Variants in SGCZ observed in about 807,000 individuals in gnomAD.
SGCZ encodes the protein sarcoglycan zeta, also known as zeta-sarcoglycan.
A neutral mutation model predicts 41.3 loss-of-function variants in SGCZ; 40 were observed. The ratio of observed to expected loss-of-function variants is 0.97; its 90% confidence interval spans 0.75 to 1.26. The LOEUF (loss-of-function observed/expected upper bound fraction) is 1.26, where lower values mean the gene tolerates loss of function less well. Ranked by LOEUF, SGCZ falls within the 50% of genes most tolerant of loss-of-function variation. The pLI, the probability that SGCZ is intolerant of heterozygous loss-of-function variation, is 0.00. For synonymous variants in SGCZ, 206 were observed against 137.5 expected (o/e 1.50, Z -3.49); for missense variants, 552 against 369.8 (o/e 1.49, Z -4.04).
chr8:14,422,505 C>A (rs183515332), intron 2 of SGCZ, among the ~76,000 whole-genome samples: 1 of 152,176 alleles, frequency 6.6e-6, no homozygotes, highest in Non-Finnish European at 1.5e-5. Context: ...GTGCCACAGA[C>A]CCCTCACACA....
intron 2 of SGCZ, among the ~76,000 whole-genome samples, chr8:14,451,222 C>T (rs1800583714): frequency 6.6e-6 from 1 of 152,168 alleles, no homozygotes; most frequent in South Asian, 2.1e-4. Context: ...CAAAAATAGA[C>T]TCTGTAGGAA....
chr8:14,305,845 T>C (rs780830519), intron 3 of SGCZ, among the ~76,000 whole-genome samples: 1 of 152,198 alleles, frequency 6.6e-6, no homozygotes, highest in South Asian at 2.1e-4. Flanking sequence ...AAGCAAAGGA[T>C]TGAGAAATAC....
In SGCZ at chr8:14,946,363, G is replaced by A. The variant is rs148537077; in HGVS notation, c.39+291222C>T. On this transcript the variant is annotated intron_variant, in intron 1 of 7. Coordinates refer to ENST00000382080, the MANE Select transcript of SGCZ (RefSeq NM_139167.4). ...CGTATACTCCTCGCGCATCACAGAA[G>A]GAAACGCTGCTCTCCGCAGTCCCAA... Among the ~76,000 whole-genome samples the A allele has an allele frequency of 3.9e-3, 593 of 151,712 alleles. 5 individuals carry two copies. Among genetic ancestry groups the A allele is most frequent in the African/African-American group, 0.014 (567 of 41,396 alleles).
At chr8:14,472,105 C>A (rs1363859327) in intron 2 of SGCZ, among the ~76,000 whole-genome samples, 1 of 151,998 alleles carries the variant, frequency 6.6e-6, no homozygotes, top group Non-Finnish European at 1.5e-5. Context: ...TTTTGCAATT[C>A]AGCATTTGAT....
rs1802682188 is a variant in SGCZ at position 14,121,082 on chromosome 8, A to G, written c.548-12847T>C. On this transcript the variant is annotated intron_variant, in intron 5 of 7. Transcript: ENST00000382080. ...CAATGTGACTGTGAAATAGAGAAAT[A>G]GCCTAACGGCTAAGAGAGTCCCCAG... Among the ~76,000 whole-genome samples the G allele has an allele frequency of 2.0e-5, 3 of 152,140 alleles. No homozygotes were observed. The South Asian group carries it at 6.2e-4, about 31-fold the overall frequency.
At chr8:15,004,175 C>T (rs1218172625) in intron 1 of SGCZ, among the ~76,000 whole-genome samples, 3 of 152,084 alleles carry the variant, frequency 2.0e-5, no homozygotes, top group African/African-American at 4.8e-5. Context: ...TAGATACATG[C>T]TGTTAAGGAC....
intron 1 of SGCZ, among the ~76,000 whole-genome samples, chr8:14,634,561 C>A (rs998678144): frequency 6.6e-6 from 1 of 151,616 alleles, no homozygotes; most frequent in African/African-American, 2.4e-5. Flanking sequence ...CAGATTGAAC[C>A]CTTACTTGAG....
intron 5 of SGCZ, among the ~76,000 whole-genome samples, chr8:14,150,935 C>T (rs1316182496): frequency 6.6e-6 from 1 of 152,122 alleles, no homozygotes; most frequent in African/African-American, 2.4e-5. Context: ...GAAAGACAAA[C>T]ATCACATGTT....
chr8:14,872,195 C>T (rs1018195201), intron 1 of SGCZ, among the ~76,000 whole-genome samples: 1 of 151,962 alleles, frequency 6.6e-6, no homozygotes. Flanking sequence ...GGAGGGATAG[C>T]ATTAGGAGAA....
intron 1 of SGCZ, among the ~76,000 whole-genome samples, chr8:14,629,360 CATTATCTAAATA>C (rs752553959): frequency 0.35 from 52,872 of 151,804 alleles, 9,422 homozygotes; most frequent in East Asian, 0.63. Context: ...ATGTAAAATA[CATTATCTAAATA>C]ATGTAAAAAT....
intron 1 of SGCZ, among the ~76,000 whole-genome samples, chr8:15,093,855 G>C (rs2131067394): frequency 6.6e-6 from 1 of 152,254 alleles, no homozygotes; most frequent in East Asian, 1.9e-4. Context: ...TTTTATATAT[G>C]AGTGTCCACT....
intron 1 of SGCZ, among the ~76,000 whole-genome samples, chr8:14,727,736 T>C (rs1810104735): frequency 6.6e-6 from 1 of 151,946 alleles, no homozygotes; most frequent in Non-Finnish European, 1.5e-5. Flanking sequence ...ATGGTCTCGA[T>C]CTCCTGACCT....
chr8:14,786,159 G>C (rs1434517679), intron 1 of SGCZ, among the ~76,000 whole-genome samples: 2 of 151,614 alleles, frequency 1.3e-5, no homozygotes, highest in Non-Finnish European at 2.9e-5. Context: ...TGTCACTACA[G>C]AAGAAAACAT....
chr8:14,858,774 T>A (rs149278683), intron 1 of SGCZ, among the ~76,000 whole-genome samples: 2 of 152,278 alleles, frequency 1.3e-5, no homozygotes, highest in African/African-American at 4.8e-5. Flanking sequence ...TTCTAAGTAG[T>A]GACACATTTC....
At chr8:14,369,140 T>C (rs1480652025) in intron 2 of SGCZ, among the ~76,000 whole-genome samples, 3 of 151,952 alleles carry the variant, frequency 2.0e-5, no homozygotes, top group African/African-American at 7.2e-5. Flanking sequence ...TGATATTATA[T>C]AATGTACAAA....
chr8:14,212,037 C>G (rs1805826334), intron 4 of SGCZ, among the ~76,000 whole-genome samples: 1 of 152,086 alleles, frequency 6.6e-6, no homozygotes, highest in Non-Finnish European at 1.5e-5. Context: ...GTTCCTCTAT[C>G]TGCTATTCTG....
intron 2 of SGCZ, among the ~76,000 whole-genome samples, chr8:14,442,454 C>A (rs149223964): frequency 6.6e-6 from 1 of 152,124 alleles, no homozygotes; most frequent in East Asian, 1.9e-4. Context: ...TTATAAATTA[C>A]CCAGTATCAG....
rs116476337 is a variant in SGCZ, at chr8:14,477,392, G to C, written c.234+77340C>G. Among the ~76,000 whole-genome samples the C allele has an allele frequency of 7.2e-3, 1,094 of 152,124 alleles. 6 individuals are homozygous for C. Among genetic ancestry groups the C allele is most frequent in the South Asian group, 0.027 (130 of 4,822 alleles). On this transcript the variant is annotated intron_variant, in intron 2 of 7. Transcript: ENST00000382080. ...ATGTTAATATTCTTCACTGAAATTT[G>C]CTACCTATATTTTTATACTTCTTAC...
chr8:14,404,949 T>C (rs1460873980), intron 2 of SGCZ, among the ~76,000 whole-genome samples: 1 of 152,220 alleles, frequency 6.6e-6, no homozygotes, highest in Non-Finnish European at 1.5e-5. Flanking sequence ...GCAGTGGCTT[T>C]AAATCCTCCG....
Sources: allele counts gnomAD v4.1 joint callset (sites outside exome capture counted in the v4.1 genomes callset), GRCh38; gene constraint gnomAD v4.1.1; transcripts MANE v1.5; gene names NCBI Gene and HGNC (gene_info 2026-07-23, HGNC 2026-07-21).